ALG5: variants seen among roughly 807,000 people sequenced by gnomAD.
ALG5 encodes the protein ALG5 dolichyl-phosphate beta-glucosyltransferase.
A neutral mutation model predicts 51.8 loss-of-function variants in ALG5; 26 were observed. The observed-to-expected ratio is 0.50, with a 90% CI of 0.37 to 0.70. The LOEUF is 0.70. Ranked by LOEUF, ALG5 falls within the 30% of genes least tolerant of loss-of-function variation. ALG5 has a pLI of 0.00. For missense variants in ALG5, 311 were observed against 399.3 expected, an observed-to-expected ratio of 0.78 and a Z score of 1.88; for synonymous variants, 141 against 136.1, an observed-to-expected ratio of 1.04 and a Z score of -0.25.
chr13:36,957,949 G>A (rs901740516), intron 8 of ALG5, among the ~76,000 whole-genome samples: 7 of 151,960 alleles, frequency 4.6e-5, no homozygotes, highest in Non-Finnish European at 1.0e-4. Context: ...TACCCCAACC[G>A]CGTTTAAAGT....
At chr13:36,998,032 C>T (rs532652677) in intron 1 of ALG5, among the ~76,000 whole-genome samples, 1 of 152,170 alleles carries the variant, frequency 6.6e-6, no homozygotes, top group South Asian at 2.1e-4. Flanking sequence ...AAACCAAGTG[C>T]AACACAACAT....
intron 1 of ALG5, among the ~76,000 whole-genome samples, chr13:36,998,472 C>CTAGAGGGCAGGCTCA (rs1393155054): frequency 8.5e-5 from 13 of 152,324 alleles, no homozygotes; most frequent in African/African-American, 2.9e-4. Context: ...CACTTACTAA[C>CTAGAGGGCAGGCTCA]TAGAGGGCAG....
intron 2 of ALG5, 30 bp downstream of exon 2, chr13:36,995,395 C>T (rs1444594384): frequency 6.3e-7 from 1 of 1,582,422 alleles, no homozygotes; most frequent in Non-Finnish European, 8.5e-7. Context: ...CCAAACTACC[C>T]TTTACCAAAA....
At chr13:36,973,009 A>AG (rs59143767) in intron 6 of ALG5, among the ~76,000 whole-genome samples, 13 of 150,856 alleles carry the variant, frequency 8.6e-5, no homozygotes, top group African/African-American at 3.2e-4. Flanking sequence ...AAAAAAAAAA[A>AG]TCAATGCTTC....
intron 6 of ALG5, among the ~76,000 whole-genome samples, chr13:36,978,189 G>GT (rs34782335): frequency 0.33 from 40,522 of 124,640 alleles, 7,345 homozygotes; most frequent in Non-Finnish European, 0.4. Flanking sequence ...CCCCACCTTT[G>GT]TTTTTTTTTT....
chr13:36,982,133 G>A (rs2058982630), intron 6 of ALG5, among the ~76,000 whole-genome samples: 2 of 152,068 alleles, frequency 1.3e-5, no homozygotes, highest in African/African-American at 4.8e-5. Flanking sequence ...AAAACCGTAA[G>A]AACTGACAGC....
chr13:36,964,479 G>C (rs2058883092), intron 8 of ALG5, among the ~76,000 whole-genome samples: 1 of 152,140 alleles, frequency 6.6e-6, no homozygotes, highest in Admixed American at 6.6e-5. Flanking sequence ...GAATGTCAGG[G>C]CTGATGTCAG....
intron 4 of ALG5, among the ~76,000 whole-genome samples, chr13:36,991,524 TC>T (rs371229315): frequency 7.7e-4 from 117 of 152,344 alleles, no homozygotes; most frequent in Non-Finnish European, 1.4e-3. Flanking sequence ...AAACAGTGCC[TC>T]CTTCTTTGCT....
At chr13:36,959,631 A>G (rs1416611082) in intron 8 of ALG5, among the ~76,000 whole-genome samples, 1 of 152,016 alleles carries the variant, frequency 6.6e-6, no homozygotes, top group African/African-American at 2.4e-5. Flanking sequence ...TCAGAATTGG[A>G]CTCCTTCACA....
At chr13:36,994,955 T>C (rs764821439) in intron 3 of ALG5, 34 bp downstream of exon 3, 1 of 1,586,172 alleles carries the variant, frequency 6.3e-7, no homozygotes, top group Non-Finnish European at 8.6e-7. Context: ...TAGTTTTAAT[T>C]GGAGATATCA....
intron 7 of ALG5, among the ~76,000 whole-genome samples, chr13:36,966,933 C>T (rs940281021): frequency 1.3e-5 from 2 of 151,972 alleles, no homozygotes; most frequent in African/African-American, 4.8e-5. Flanking sequence ...AGAAAAAGCA[C>T]CAAATCAGGC....
intron 7 of ALG5, chr13:36,968,019 C>A: frequency 4.5e-6 from 1 of 224,006 alleles, no homozygotes; most frequent in Non-Finnish European, 9.2e-6. Context: ...TTTTAAAAAG[C>A]AGAAAAATGT....
intron 8 of ALG5, 82 bp downstream of exon 8, chr13:36,965,493 T>C (rs2058888811): frequency 2.9e-6 from 4 of 1,365,656 alleles, no homozygotes. Flanking sequence ...ATGTTCATTA[T>C]AAATATACAG....
At chr13:36,979,174 G>C (rs1291535723) in intron 6 of ALG5, among the ~76,000 whole-genome samples, 1 of 151,934 alleles carries the variant, frequency 6.6e-6, no homozygotes, top group Non-Finnish European at 1.5e-5. Flanking sequence ...GTGCCACCAT[G>C]CATGGCTAAG....
Position 36,972,008 on chromosome 13 carries a change from C to T in ALG5, c.590G>A (p.Arg197Gln), listed in dbSNP as rs766390778. The T allele has an allele frequency of 1.9e-6, 3 of 1,604,428 alleles. No individual in the cohort carries two copies. The highest frequency in any genetic ancestry group is 1.1e-5 in the South Asian group (1 of 88,562). The change falls in exon 7 of 10, where the codon CGA (arginine) becomes CAA (glutamine). Residue 197 changes from arginine (R) to glutamine (Q), a missense_variant. Arg to Gln is a conservative substitution (Grantham distance 43). Transcript: ENST00000239891. ...PNQMAIACGSRAHLEKESIAQ... is the reference protein window; with the variant it reads ...PNQMAIACGSQAHLEKESIAQ... ...AATTGATTCTTTTTCTAAATGAGCT[C>T]GAGATCCACATGCTATAGCCATTTG...
intron 6 of ALG5, among the ~76,000 whole-genome samples, chr13:36,974,939 G>A (rs373945207): frequency 4.9e-4 from 74 of 152,256 alleles, no homozygotes; most frequent in East Asian, 2.1e-3. Context: ...AGGGCCAGGC[G>A]CAGTGGCTCA....
chr13:36,972,853 G>T (rs370797615), intron 6 of ALG5, among the ~76,000 whole-genome samples: 2 of 151,970 alleles, frequency 1.3e-5, no homozygotes, highest in Non-Finnish European at 2.9e-5. Context: ...TTAGCTGGGC[G>T]TGGTGGCGGG....
In ALG5 at chr13:36,999,324, C is replaced by T; in HGVS notation, c.-24G>A. The T allele has an allele frequency of 2.6e-6, 4 of 1,560,326 alleles. No individual in the cohort carries two copies. The highest frequency in any genetic ancestry group is 3.5e-6 in the Non-Finnish European group (4 of 1,156,414). On this transcript the variant is annotated 5_prime_UTR_variant, in exon 1 of 10. Transcript: ENST00000239891. ...ATTCTCCATGCCGTGGCAGCCCGCC[C>T]AATCCCGCACCTCCACACAGGCGGA... is the stretch of plus-strand genomic sequence containing the variant.
chr13:36,965,625 A>G lies in ALG5; in HGVS notation c.723T>C (p.Phe241=), dbSNP rs2058889714. The change falls in exon 8 of 10, where the codon TTT becomes TTC. Residue 241 remains phenylalanine, a synonymous_variant. Transcript: ENST00000239891. ...IRDTQCGFKL[F]TREAASRTFS... Reference sequence around the variant, plus strand: ...ACGTCCGTGAAGCTGCTTCTCGAGTAAATAATTTGAACCCACACTGTGTGT... The same window carrying G: ...ACGTCCGTGAAGCTGCTTCTCGAGTGAATAATTTGAACCCACACTGTGTGT... 1 of 1,614,108 alleles carries G rather than the reference A, an allele frequency of 6.2e-7. No individual in the cohort carries two copies. The highest frequency in any genetic ancestry group is 8.5e-7 in the Non-Finnish European group (1 of 1,179,984).
Sources: allele counts gnomAD v4.1 joint callset (sites outside exome capture counted in the v4.1 genomes callset), GRCh38; gene constraint gnomAD v4.1.1; transcripts MANE v1.5; gene names NCBI Gene and HGNC (gene_info 2026-07-23, HGNC 2026-07-21).